Variants in ELAVL4 observed in about 807,000 individuals in gnomAD.
ELAVL4 encodes ELAV like RNA binding protein 4.
Under a neutral mutation model 35.6 loss-of-function variants are expected in ELAVL4, and 1 was observed. The observed-to-expected ratio is 0.03, with a 90% CI of 0.01 to 0.13. ELAVL4 has a LOEUF of 0.13. Among genes scored for constraint, ELAVL4 ranks in the 10% least tolerant of loss-of-function variants. The pLI, the probability that ELAVL4 is intolerant of heterozygous loss-of-function variation, is 1.00. For missense variants in ELAVL4, 267 were observed against 464.9 expected (o/e 0.57, Z 3.91); for synonymous variants, 156 against 171.0 (o/e 0.91, Z 0.69).
chr1:50,125,241 T>TA (rs200874014), intron 1 of ELAVL4, among the ~76,000 whole-genome samples: 38 of 146,544 alleles, frequency 2.6e-4, no homozygotes, highest in Admixed American at 5.5e-4. Context: ...TATCTTTATT[T>TA]AAAAAAAAAA....
rs1265888133 is a variant in ELAVL4, at chr1:50,202,938, T to A, written c.*1760T>A. 2 of 152,272 alleles carry A rather than the reference T, an allele frequency of 1.3e-5. No individual in the cohort carries two copies. Among genetic ancestry groups the A allele is most frequent in the African/African-American group, 2.4e-5 (1 of 41,572 alleles). 9.4% of individuals were successfully genotyped at this position (152,272 alleles called of 1,614,324 possible). The stretch of plus-strand genomic sequence containing the variant: ...CAGATTGGGGAAAACAAAACAGAGC[T>A]AAGGGAACAAAATGACTGAGGGAGC... On this transcript the variant is annotated 3_prime_UTR_variant, in exon 7 of 7. Transcript: ENST00000371824.
At chr1:50,088,945 G>C (rs1381653275) in intron 1 of ELAVL4, among the ~76,000 whole-genome samples, 1 of 152,178 alleles carries the variant, frequency 6.6e-6, no homozygotes, top group Non-Finnish European at 1.5e-5. Context: ...CTTGGCAATT[G>C]TTCTTTGCAG....
intron 1 of ELAVL4, among the ~76,000 whole-genome samples, chr1:50,053,356 G>C (rs1663492206): frequency 6.6e-6 from 1 of 152,004 alleles, no homozygotes; most frequent in Non-Finnish European, 1.5e-5. Flanking sequence ...TGTTTTTTAT[G>C]TTTTGTGTTT....
chr1:50,070,379 T>C (rs1279494385), intron 1 of ELAVL4, among the ~76,000 whole-genome samples: 1 of 152,228 alleles, frequency 6.6e-6, no homozygotes, highest in Non-Finnish European at 1.5e-5. Flanking sequence ...TGGGACTCCC[T>C]GCCTCATCAT....
chr1:50,191,861 A>G (rs1490799354), intron 3 of ELAVL4, among the ~76,000 whole-genome samples: 2 of 152,220 alleles, frequency 1.3e-5, no homozygotes, highest in African/African-American at 4.8e-5. Flanking sequence ...CATTCGGATA[A>G]TTAATTTGTC....
At chr1:50,173,847 A>AT (rs1236513031) in intron 2 of ELAVL4, among the ~76,000 whole-genome samples, 12 of 152,190 alleles carry the variant, frequency 7.9e-5, no homozygotes, top group Non-Finnish European at 1.5e-4. Flanking sequence ...GGAAAAAAAA[A>AT]GAAAGAGTAA....
intron 1 of ELAVL4, among the ~76,000 whole-genome samples, chr1:50,062,422 C>A (rs752933245): frequency 2.2e-4 from 34 of 152,108 alleles, no homozygotes; most frequent in South Asian, 1.9e-3. Flanking sequence ...GTCTTTGGAC[C>A]ACCCCAAATT....
chr1:50,149,599 A>G (rs1426387130), intron 2 of ELAVL4, among the ~76,000 whole-genome samples: 1 of 134,060 alleles, frequency 7.5e-6, no homozygotes, highest in Non-Finnish European at 1.5e-5. Context: ...ACTGGAGTGC[A>G]GTGGTGCAAT....
At chr1:50,164,762 G>GT in intron 2 of ELAVL4, among the ~76,000 whole-genome samples, 1 of 152,164 alleles carries the variant, frequency 6.6e-6, no homozygotes, top group Non-Finnish European at 1.5e-5. Flanking sequence ...TAAGGCTCTG[G>GT]TAAAAAAAAG....
intron 3 of ELAVL4, among the ~76,000 whole-genome samples, chr1:50,187,710 AG>A (rs1338972029): frequency 2.0e-5 from 3 of 152,224 alleles, no homozygotes; most frequent in African/African-American, 7.2e-5. Flanking sequence ...AGGACAGAAA[AG>A]ATGGCCCTGG....
At chr1:50,061,365 A>T (rs746729588) in intron 1 of ELAVL4, among the ~76,000 whole-genome samples, 1 of 152,166 alleles carries the variant, frequency 6.6e-6, no homozygotes, top group Admixed American at 6.5e-5. Context: ...TTTTAGGTCC[A>T]TTTACACATT....
At chr1:50,130,657 T>C (rs1670697727) in intron 1 of ELAVL4, among the ~76,000 whole-genome samples, 1 of 152,166 alleles carries the variant, frequency 6.6e-6, no homozygotes, top group African/African-American at 2.4e-5. Flanking sequence ...CTTATGACAT[T>C]AGACAGTAAT....
At chr1:50,058,251 A>T (rs886198321) in intron 1 of ELAVL4, among the ~76,000 whole-genome samples, 2 of 152,208 alleles carry the variant, frequency 1.3e-5, no homozygotes, top group East Asian at 3.9e-4. Context: ...TAGAGAACAG[A>T]TTTAAATTTA....
At chr1:50,139,761 C>T (rs1672506556) in intron 1 of ELAVL4, among the ~76,000 whole-genome samples, 1 of 152,136 alleles carries the variant, frequency 6.6e-6, no homozygotes, top group African/African-American at 2.4e-5. Flanking sequence ...AGCCTCTGCT[C>T]CTTACCTCCC....
At chr1:50,124,640 T>C (rs1669581251) in intron 1 of ELAVL4, among the ~76,000 whole-genome samples, 1 of 152,084 alleles carries the variant, frequency 6.6e-6, no homozygotes, top group Admixed American at 6.5e-5. Context: ...GGGATATTTT[T>C]GAGATAGGGT....
chr1:50,179,196 G>A (rs549430963), intron 3 of ELAVL4, among the ~76,000 whole-genome samples: 2 of 149,538 alleles, frequency 1.3e-5, no homozygotes, highest in South Asian at 2.2e-4. Context: ...GTATCAAAAC[G>A]CTGCCAACAC....
intron 1 of ELAVL4, among the ~76,000 whole-genome samples, chr1:50,094,762 A>AAATAAATAAATG (rs1665646271): frequency 6.7e-6 from 1 of 150,302 alleles, no homozygotes; most frequent in Non-Finnish European, 1.5e-5. Context: ...ATAAATAAAT[A>AAATAAATAAATG]AATAAATAAA....
intron 1 of ELAVL4, among the ~76,000 whole-genome samples, chr1:50,114,771 G>C (rs1667668527): frequency 6.6e-6 from 1 of 152,040 alleles, no homozygotes; most frequent in Non-Finnish European, 1.5e-5. Flanking sequence ...AAGCCATTTT[G>C]TTTGTTGTTT....
intron 1 of ELAVL4, among the ~76,000 whole-genome samples, chr1:50,078,043 T>C (rs1664841688): frequency 1.3e-5 from 2 of 152,060 alleles, no homozygotes; most frequent in Non-Finnish European, 2.9e-5. Context: ...TCCTCTTCTC[T>C]GAAATGGGAT....
Sources: allele counts gnomAD v4.1 joint callset (sites outside exome capture counted in the v4.1 genomes callset), GRCh38; gene constraint gnomAD v4.1.1; transcripts MANE v1.5; gene names NCBI Gene and HGNC (gene_info 2026-07-23, HGNC 2026-07-21).